NVL: variants seen among roughly 807,000 people sequenced by gnomAD.
NVL encodes the protein nuclear valosin-containing protein-like.
A neutral mutation model predicts 110.2 loss-of-function variants in NVL; 84 were observed. That is an observed-to-expected ratio of 0.76 (90% CI 0.64 to 0.91). The LOEUF (loss-of-function observed/expected upper bound fraction) is 0.91. Among genes scored for constraint, NVL ranks in the 40% least tolerant of loss-of-function variants. The pLI is 0.00. For synonymous variants in NVL, 354 were observed against 361.1 expected (o/e 0.98, Z 0.22); for missense variants, 882 against 1,035.9 (o/e 0.85, Z 2.04).
At chr1:224,258,840 T>C (rs1353333578) in intron 18 of NVL, among the ~76,000 whole-genome samples, 1 of 151,804 alleles carries the variant, frequency 6.6e-6, no homozygotes, top group African/African-American at 2.4e-5. Context: ...ATAGACAAAT[T>C]TATATAGACA....
intron 12 of NVL, among the ~76,000 whole-genome samples, chr1:224,291,675 G>A (rs559649682): frequency 2.0e-5 from 3 of 152,110 alleles, no homozygotes; most frequent in African/African-American, 7.2e-5. Flanking sequence ...AACACTCTTC[G>A]ACTTACCATG....
In NVL at chr1:224,294,335, A is replaced by C. The variant is rs575571528; in HGVS notation, c.1257T>G (p.Ala419=). Residue 419 remains alanine (A), a synonymous_variant, in exon 12 of 23, where the codon GCT becomes GCG. Transcript: ENST00000281701. ...ATNRPDSLDP[A]LRRAGRFDRE... ...GGTCGAACCTTCCCGCACGTCTCAA[A>C]GCAGGGTCTAACGAGTCTGGTCGAT... 6 of 1,614,052 alleles carry C rather than the reference A, an allele frequency of 3.7e-6. No homozygotes were observed. Among genetic ancestry groups the C allele is most frequent in the Non-Finnish European group, 4.2e-6 (5 of 1,180,042 alleles).
chr1:224,251,000 G>A (rs377722872), intron 18 of NVL, among the ~76,000 whole-genome samples: 94 of 151,952 alleles, frequency 6.2e-4, no homozygotes, highest in African/African-American at 2.2e-3. Context: ...ACGGCTGGGC[G>A]CGGGGGCTCA....
chr1:224,251,938 T>C (rs1014384296), intron 18 of NVL, among the ~76,000 whole-genome samples: 1 of 152,210 alleles, frequency 6.6e-6, no homozygotes, highest in African/African-American at 2.4e-5. Context: ...GCTAGTGTTA[T>C]TGTCCTAAAA....
At chr1:224,300,801 CTA>C (rs1172176768) in intron 9 of NVL, 138 bp from the exon 10 acceptor site, 1 of 630,604 alleles carries the variant, frequency 1.6e-6, no homozygotes, top group Admixed American at 2.8e-5. Flanking sequence ...GTGAAAAACA[CTA>C]TTTGAAAATC....
chr1:224,228,385 ATC>A (rs1182860242), intron 22 of NVL, among the ~76,000 whole-genome samples: 2 of 151,912 alleles, frequency 1.3e-5, no homozygotes, highest in African/African-American at 4.8e-5. Flanking sequence ...GCTCACTGCA[ATC>A]TCTGCCTCCT....
At chr1:224,322,785 C>T (rs959403102) in intron 2 of NVL, among the ~76,000 whole-genome samples, 2 of 152,096 alleles carry the variant, frequency 1.3e-5, no homozygotes, top group Admixed American at 6.6e-5. Flanking sequence ...GAAACCCTGT[C>T]GCTACTAAAA....
At chr1:224,257,187 T>G (rs1287609462) in intron 18 of NVL, 1 of 492,494 alleles carries the variant, frequency 2.0e-6, no homozygotes, top group Non-Finnish European at 4.1e-6. Context: ...CCCAGCACTT[T>G]AAAGAGAAAG....
At chr1:224,260,837 G>C (rs1354918162) in intron 18 of NVL, among the ~76,000 whole-genome samples, 4 of 151,366 alleles carry the variant, frequency 2.6e-5, no homozygotes, top group African/African-American at 9.7e-5. Context: ...AAGTAGCTGG[G>C]ATTACAGGTA....
At chr1:224,281,060 C>CATTAT in intron 16 of NVL, 63 bp downstream of exon 16, 1 of 1,383,324 alleles carries the variant, frequency 7.2e-7, no homozygotes, top group Non-Finnish European at 1.0e-6. Flanking sequence ...ACATTTTACC[C>CATTAT]CGTAATTTGC....
chr1:224,328,898 T>C (rs1180884561), intron 1 of NVL, among the ~76,000 whole-genome samples: 2 of 152,058 alleles, frequency 1.3e-5, no homozygotes, highest in African/African-American at 4.8e-5. Flanking sequence ...ACTGGAGATA[T>C]AAAGTTAGCA....
chr1:224,282,889 G>A (rs1666506904), intron 15 of NVL, among the ~76,000 whole-genome samples: 1 of 152,166 alleles, frequency 6.6e-6, no homozygotes, highest in Non-Finnish European at 1.5e-5. Flanking sequence ...AAACAATCAA[G>A]ATCAGCCAAA....
At chr1:224,274,220 G>A (rs921982043) in intron 17 of NVL, among the ~76,000 whole-genome samples, 1 of 150,314 alleles carries the variant, frequency 6.7e-6, no homozygotes, top group African/African-American at 2.5e-5. Flanking sequence ...GAACCCGGGT[G>A]GCAGAGGTTG....
chr1:224,328,257 C>T (rs906605787), intron 1 of NVL, among the ~76,000 whole-genome samples: 6 of 152,060 alleles, frequency 3.9e-5, no homozygotes, highest in South Asian at 2.1e-4. Flanking sequence ...GTCTTGGCCA[C>T]GCCTGTAATC....
At chr1:224,281,059 C>CTG in intron 16 of NVL, 64 bp downstream of exon 16, 1 of 1,367,148 alleles carries the variant, frequency 7.3e-7, no homozygotes, top group Non-Finnish European at 1.0e-6. Context: ...AACATTTTAC[C>CTG]CCGTAATTTG....
At chr1:224,276,374 T>C (rs1393312151) in intron 16 of NVL, among the ~76,000 whole-genome samples, 1 of 152,042 alleles carries the variant, frequency 6.6e-6, no homozygotes, top group East Asian at 1.9e-4. Context: ...GTAGCTAGGA[T>C]TGCAGGCATA....
At chr1:224,273,033 C>CAAA (rs1223008709) in intron 17 of NVL, among the ~76,000 whole-genome samples, 20 of 28,512 alleles carry the variant, frequency 7.0e-4, no homozygotes, top group East Asian at 2.9e-3. Context: ...GACTCCGTCT[C>CAAA]AAAAAAAAAC....
At chr1:224,327,953 A>T (rs1671298426) in intron 1 of NVL, among the ~76,000 whole-genome samples, 1 of 151,952 alleles carries the variant, frequency 6.6e-6, no homozygotes, top group South Asian at 2.1e-4. Flanking sequence ...GGAGAGGAAA[A>T]GTAAACTAGG....
In NVL at chr1:224,233,182, A is replaced by G; in HGVS notation, c.2455+19T>C. On this transcript the variant is annotated intron_variant, in intron 21 of 22. Coordinates refer to ENST00000281701, the MANE Select transcript of NVL (RefSeq NM_002533.4). ...TAAGTATCATAATTAGAATTGAGAG[A>G]TTCTGGAGAGAATTGTACCTTTTTC... 6.3e-7 allele frequency: 1 copy of G among 1,598,290 alleles called. No homozygotes were observed. The highest frequency in any genetic ancestry group is 1.1e-5 in the South Asian group (1 of 88,922).
Sources: allele counts gnomAD v4.1 joint callset (sites outside exome capture counted in the v4.1 genomes callset), GRCh38; gene constraint gnomAD v4.1.1; transcripts MANE v1.5; gene names NCBI Gene and HGNC (gene_info 2026-07-23, HGNC 2026-07-21).